DCC: variants seen among roughly 807,000 people sequenced by gnomAD.
The protein encoded by DCC is netrin receptor DCC.
DCC carries 58 observed loss-of-function variants against 172.5 expected under a neutral mutation model. That is an observed-to-expected ratio of 0.34 (90% CI 0.27 to 0.42). The LOEUF is 0.42. DCC is among the 10% of genes least tolerant of loss of function. The probability of loss-of-function intolerance (pLI) is 1.00; values close to 1 mark genes in which losing one functional copy is unlikely to be tolerated. For synonymous variants in DCC, 709 were observed against 644.5 expected (o/e 1.10, Z -1.52); for missense variants, 1,740 against 1,791.0 (o/e 0.97, Z 0.51).
intron 5 of DCC, among the ~76,000 whole-genome samples, chr18:52,971,382 G>C (rs2041027571): frequency 6.6e-6 from 1 of 152,080 alleles, no homozygotes; most frequent in Non-Finnish European, 1.5e-5. Flanking sequence ...AATTCCCTAT[G>C]ACTCTAGTTA....
chr18:53,335,694 C>G (rs900434140), intron 14 of DCC, among the ~76,000 whole-genome samples: 12 of 152,198 alleles, frequency 7.9e-5, no homozygotes, highest in Admixed American at 5.2e-4. Flanking sequence ...CATTCAGACT[C>G]TAGTAAAAAT....
At chr18:52,661,942 A>G (rs1258789059) in intron 1 of DCC, among the ~76,000 whole-genome samples, 2 of 152,250 alleles carry the variant, frequency 1.3e-5, no homozygotes, top group Non-Finnish European at 1.5e-5. Flanking sequence ...TTCAGAAATT[A>G]AAAATTGGGT....
chr18:53,398,190 A>G (rs1909075348), intron 18 of DCC, among the ~76,000 whole-genome samples: 1 of 152,122 alleles, frequency 6.6e-6, no homozygotes, highest in Non-Finnish European at 1.5e-5. Context: ...AAACTGCACC[A>G]ATTTTCAAAT....
chr18:52,754,692 A>C (rs956008085), intron 2 of DCC, among the ~76,000 whole-genome samples: 1 of 152,232 alleles, frequency 6.6e-6, no homozygotes, highest in Non-Finnish European at 1.5e-5. Context: ...AGAGTTTTCC[A>C]TAGTCAGTTA....
intron 2 of DCC, among the ~76,000 whole-genome samples, chr18:52,771,823 A>G (rs1241766310): frequency 6.7e-6 from 1 of 149,412 alleles, no homozygotes; most frequent in African/African-American, 2.4e-5. Context: ...TCGTAAGTTC[A>G]GTGCTTCTCA....
intron 1 of DCC, among the ~76,000 whole-genome samples, chr18:52,710,936 C>T (rs2036282405): frequency 6.6e-6 from 1 of 152,164 alleles, no homozygotes; most frequent in South Asian, 2.1e-4. Context: ...AGACAGGATG[C>T]TGACTGGGAA....
chr18:53,044,952 T>A (rs1465280542), intron 5 of DCC, among the ~76,000 whole-genome samples: 1 of 151,850 alleles, frequency 6.6e-6, no homozygotes, highest in East Asian at 1.9e-4. Flanking sequence ...AAGTCTTGTG[T>A]TGATTAATGT....
intron 2 of DCC, among the ~76,000 whole-genome samples, chr18:52,815,739 T>C (rs748845016): frequency 3.1e-4 from 47 of 152,220 alleles, no homozygotes; most frequent in Non-Finnish European, 6.2e-4. Flanking sequence ...AAAACATCAA[T>C]AAATCATAAG....
intron 27 of DCC, among the ~76,000 whole-genome samples, chr18:53,515,525 G>A (rs979549733): frequency 4.8e-5 from 7 of 147,034 alleles, no homozygotes; most frequent in African/African-American, 7.5e-5. Flanking sequence ...GTTTGCAGAC[G>A]ACATGATTGT....
chr18:53,201,940 T>C (rs1465721968), intron 9 of DCC, among the ~76,000 whole-genome samples: 1 of 152,088 alleles, frequency 6.6e-6, no homozygotes, highest in Non-Finnish European at 1.5e-5. Context: ...CAAAACCCAG[T>C]AGAGATGGAT....
At chr18:53,403,883 G>A (rs1384371859) in intron 19 of DCC, among the ~76,000 whole-genome samples, 1 of 152,150 alleles carries the variant, frequency 6.6e-6, no homozygotes, top group Non-Finnish European at 1.5e-5. Context: ...ATTCCAAATA[G>A]GATTGAAATT....
intron 6 of DCC, among the ~76,000 whole-genome samples, chr18:53,065,348 A>G (rs1325620425): frequency 6.6e-6 from 1 of 152,306 alleles, no homozygotes; most frequent in East Asian, 1.9e-4. Flanking sequence ...ATTAAATGCT[A>G]TCTCTAGATC....
chr18:52,431,828 AT>A (rs1987634778), intron 1 of DCC, among the ~76,000 whole-genome samples: 1 of 152,090 alleles, frequency 6.6e-6, no homozygotes, highest in South Asian at 2.1e-4. Flanking sequence ...GTCAAGCCCC[AT>A]TTGATTCATC....
At chr18:53,133,706 C>G (rs918549442) in intron 7 of DCC, among the ~76,000 whole-genome samples, 3 of 152,120 alleles carry the variant, frequency 2.0e-5, no homozygotes, top group African/African-American at 7.2e-5. Flanking sequence ...ACACAGTGAA[C>G]AGAAAGACTC....
At chr18:53,217,731 A>G (rs2144584269) in intron 12 of DCC, among the ~76,000 whole-genome samples, 1 of 152,278 alleles carries the variant, frequency 6.6e-6, no homozygotes, top group South Asian at 2.1e-4. Context: ...AAATATATTA[A>G]TATTTACCCC....
At chr18:53,378,435 G>A (rs540975282) in intron 15 of DCC, among the ~76,000 whole-genome samples, 29 of 152,208 alleles carry the variant, frequency 1.9e-4, no homozygotes, top group African/African-American at 6.5e-4. Context: ...ACAAATGGAA[G>A]GATGAAGATT....
chr18:53,084,385 T>C (rs960237528), intron 7 of DCC, among the ~76,000 whole-genome samples: 2 of 152,206 alleles, frequency 1.3e-5, no homozygotes, highest in African/African-American at 2.4e-5. Context: ...AAAACTGCCA[T>C]ATTGGAGATT....
intron 3 of DCC, among the ~76,000 whole-genome samples, chr18:52,907,770 T>C (rs1374113046): frequency 5.3e-5 from 8 of 152,138 alleles, no homozygotes; most frequent in South Asian, 2.1e-4. Flanking sequence ...TGAGAAGCAC[T>C]GTGCTAAGTA....
chr18:53,022,951 G>C (rs2041901957), intron 5 of DCC, among the ~76,000 whole-genome samples: 2 of 152,074 alleles, frequency 1.3e-5, no homozygotes, highest in Admixed American at 6.6e-5. Flanking sequence ...TTGAAAGTTT[G>C]AAGTAGGCAA....
Sources: gnomAD v4.1 joint callset for allele counts (sites outside exome capture counted in the v4.1 genomes callset) on GRCh38, gnomAD v4.1.1 for gene constraint, MANE v1.5 for transcripts, NCBI Gene and HGNC (gene_info 2026-07-23, HGNC 2026-07-21) for gene names.